Variants in CHRM3 observed in about 807,000 individuals in gnomAD.
CHRM3 encodes the protein cholinergic receptor muscarinic 3, also known as muscarinic acetylcholine receptor M3.
Under a neutral mutation model 41.8 loss-of-function variants are expected in CHRM3, and 11 were observed. The ratio of observed to expected loss-of-function variants is 0.26; its 90% CI spans 0.17 to 0.44. The LOEUF (loss-of-function observed/expected upper bound fraction) is 0.44, where lower values mean the gene tolerates loss of function less well. Ranked by LOEUF, CHRM3 falls within the 20% of genes least tolerant of loss-of-function variation. CHRM3 has a pLI of 1.00. For missense variants in CHRM3, 571 were observed against 745.4 expected (o/e 0.77, Z 2.72); for synonymous variants, 297 against 301.4 (o/e 0.99, Z 0.15).
At chr1:239,527,886 A>G (rs973404153) in intron 2 of CHRM3, among the ~76,000 whole-genome samples, 1 of 152,226 alleles carries the variant, frequency 6.6e-6, no homozygotes, top group South Asian at 2.1e-4. Context: ...GTATTTCATT[A>G]CCATCCCCTT....
intron 6 of CHRM3, among the ~76,000 whole-genome samples, chr1:239,830,297 C>G (rs1672790693): frequency 6.6e-6 from 1 of 152,204 alleles, no homozygotes; most frequent in Non-Finnish European, 1.5e-5. Flanking sequence ...ATATTACATT[C>G]TTTACCTCTC....
chr1:239,790,295 T>C (rs1243813824), intron 5 of CHRM3, among the ~76,000 whole-genome samples: 1 of 152,148 alleles, frequency 6.6e-6, no homozygotes, highest in African/African-American at 2.4e-5. Flanking sequence ...AGGGTAAGAA[T>C]GATAGGGTTT....
rs370447407 is a variant in CHRM3 at position 239,397,160 on chromosome 1, T to A, written c.-521+9933T>A. On this transcript the variant is annotated intron_variant, in intron 1 of 6. Coordinates refer to ENST00000676153, the MANE Select transcript of CHRM3 (RefSeq NM_001375978.1). ...CTGCGGGTGAAGTAGTAATCATTTA[T>A]CTTTGATGACAAGTTAAAATTATCA... 3.3e-5 allele frequency among the ~76,000 whole-genome samples: 5 copies of A among 152,308 alleles called. No homozygotes were observed. In the East Asian group the frequency reaches 9.7e-4, roughly 29 times the overall value.
chr1:239,877,492 G>A (rs113841941), intron 6 of CHRM3, among the ~76,000 whole-genome samples: 5 of 152,092 alleles, frequency 3.3e-5, no homozygotes, highest in African/African-American at 7.2e-5. Flanking sequence ...ACCCTAACTG[G>A]TGAATAATAA....
At chr1:239,755,462 A>T (rs967083777) in intron 5 of CHRM3, among the ~76,000 whole-genome samples, 12 of 152,352 alleles carry the variant, frequency 7.9e-5, no homozygotes, top group African/African-American at 2.9e-4. Flanking sequence ...CCTAATTGAC[A>T]TACAATTCTA....
intron 3 of CHRM3, among the ~76,000 whole-genome samples, chr1:239,600,629 C>G (rs935075787): frequency 2.0e-5 from 3 of 151,944 alleles, no homozygotes; most frequent in African/African-American, 7.3e-5. Flanking sequence ...TGTGCAACAA[C>G]CTATAAATAT....
chr1:239,551,524 CAAA>C (rs61544683), intron 3 of CHRM3, among the ~76,000 whole-genome samples: 2 of 140,664 alleles, frequency 1.4e-5, no homozygotes, highest in African/African-American at 2.7e-5. Flanking sequence ...ATAACTGAAC[CAAA>C]AAAAAAAAAG....
At chr1:239,408,829 C>T (rs1660847592) in intron 1 of CHRM3, among the ~76,000 whole-genome samples, 1 of 151,362 alleles carries the variant, frequency 6.6e-6, no homozygotes, top group African/African-American at 2.4e-5. Context: ...ACTGTGTTAC[C>T]CAGGCTGGTC....
At chr1:239,611,108 A>G (rs1302692996) in intron 3 of CHRM3, among the ~76,000 whole-genome samples, 1 of 152,122 alleles carries the variant, frequency 6.6e-6, no homozygotes, top group Non-Finnish European at 1.5e-5. Flanking sequence ...TTAGCAACAA[A>G]TTATAAATCA....
At chr1:239,729,449 T>C (rs1663757861) in intron 5 of CHRM3, among the ~76,000 whole-genome samples, 1 of 151,938 alleles carries the variant, frequency 6.6e-6, no homozygotes, top group African/African-American at 2.4e-5. Flanking sequence ...TTATTCAGAC[T>C]TGGATATTTT....
rs992881517 is a variant in CHRM3, at chr1:239,914,912, G to A, written c.*5688G>A. ...CATGGGCATTTCCAGCCTCCTACAT[G>A]TAACACTTCAAACTTCCTCTGGGCG... On this transcript the variant is annotated 3_prime_UTR_variant, in exon 7 of 7. Transcript: ENST00000676153. 1 of 167,036 alleles carries A rather than the reference G, an allele frequency of 6.0e-6. No homozygotes were observed. Among genetic ancestry groups the A allele is most frequent in the African/African-American group, 2.4e-5 (1 of 41,456 alleles). 10.3% of individuals were successfully genotyped at this position (167,036 alleles called of 1,614,324 possible). A position where few individuals can be genotyped will look rare whatever the true frequency, so the allele number is the denominator to read the frequency against.
intron 3 of CHRM3, among the ~76,000 whole-genome samples, chr1:239,574,462 T>A (rs1051359562): frequency 1.3e-5 from 2 of 152,126 alleles, no homozygotes; most frequent in Non-Finnish European, 2.9e-5. Flanking sequence ...GGTTATGCAC[T>A]GGCCAGCTCC....
At chr1:239,731,487 C>T (rs971546928) in intron 5 of CHRM3, among the ~76,000 whole-genome samples, 2 of 151,918 alleles carry the variant, frequency 1.3e-5, no homozygotes, top group African/African-American at 4.8e-5. Context: ...AATTCAGTGA[C>T]CAGCTCTGTC....
rs1662733135 is a variant in CHRM3, at chr1:239,580,184, G to A, written c.-313+34435G>A. Among the ~76,000 whole-genome samples, 3 of 151,472 alleles carry A rather than the reference G, an allele frequency of 2.0e-5. 1 individual carries two copies. The highest frequency in any genetic ancestry group is 1.5e-5 in the Non-Finnish European group (1 of 67,908). On this transcript the variant is annotated intron_variant, in intron 3 of 6. Transcript: ENST00000676153. Reference sequence around the variant, plus strand: ...AGAATTTGTGAATACAAAGATGACAGTACTTTCCCTCTTGCCCCCATATTT... The same window carrying A: ...AGAATTTGTGAATACAAAGATGACAATACTTTCCCTCTTGCCCCCATATTT...
At chr1:239,874,264 C>CTATATATATCTATATACACAGTATATATA (rs1676842262) in intron 6 of CHRM3, among the ~76,000 whole-genome samples, 1 of 63,944 alleles carries the variant, frequency 1.6e-5, no homozygotes, top group Non-Finnish European at 3.0e-5. Flanking sequence ...ATAGCAAGAC[C>CTATATATATCTATATACACAGTATATATA]TATATATATC....
At chr1:239,388,782 T>C (rs530324614) in intron 1 of CHRM3, among the ~76,000 whole-genome samples, 1 of 152,340 alleles carries the variant, frequency 6.6e-6, no homozygotes, top group South Asian at 2.1e-4. Flanking sequence ...TCAGTGTGCA[T>C]TCCAACATGC....
At chr1:239,832,662 C>A (rs1284655703) in intron 6 of CHRM3, among the ~76,000 whole-genome samples, 2 of 151,652 alleles carry the variant, frequency 1.3e-5, no homozygotes, top group African/African-American at 4.9e-5. Flanking sequence ...TAACGCATTT[C>A]CGAGAGTAAG....
At chr1:239,854,852 A>C (rs2149241691) in intron 6 of CHRM3, among the ~76,000 whole-genome samples, 1 of 152,302 alleles carries the variant, frequency 6.6e-6, no homozygotes, top group South Asian at 2.1e-4. Context: ...AAAATTCAAA[A>C]GAATTCAGAT....
At chr1:239,393,385 C>A (rs575512258) in intron 1 of CHRM3, among the ~76,000 whole-genome samples, 1 of 152,222 alleles carries the variant, frequency 6.6e-6, no homozygotes, top group African/African-American at 2.4e-5. Flanking sequence ...GTCTCTCAAA[C>A]GATTTACATT....
Sources: allele counts gnomAD v4.1 joint callset (sites outside exome capture counted in the v4.1 genomes callset), GRCh38; gene constraint gnomAD v4.1.1; transcripts MANE v1.5; gene names NCBI Gene and HGNC (gene_info 2026-07-23, HGNC 2026-07-21).